DHX9: variants seen among roughly 807,000 people sequenced by gnomAD.
DHX9 encodes ATP-dependent RNA helicase A.
In DHX9, 27 loss-of-function variants were observed where a neutral mutation model predicts 148.7. That is an observed-to-expected ratio of 0.18 (90% CI 0.13 to 0.25). DHX9 has a LOEUF of 0.25. Among genes scored for constraint, DHX9 ranks in the 10% least tolerant of loss-of-function variants. DHX9 has a pLI of 1.00. For missense variants in DHX9, 796 were observed against 1,559.6 expected (o/e 0.51, Z 8.25); for synonymous variants, 529 against 516.6 (o/e 1.02, Z -0.33).
rs559168310 is a variant in DHX9, at chr1:182,852,421, T to C, written c.364+77T>C. 8 of 1,080,342 alleles carry C rather than the reference T, an allele frequency of 7.4e-6. No individual in the cohort carries two copies. The African/African-American group carries it at 1.3e-4, about 17-fold the overall frequency. 66.9% of individuals were successfully genotyped at this position (1,080,342 alleles called of 1,614,324 possible). A position where few individuals can be genotyped will look rare whatever the true frequency, so the allele number is the denominator to read the frequency against. On this transcript the variant is annotated intron_variant, in intron 4 of 27. Transcript: ENST00000367549. Reference sequence around the variant, plus strand: ...TGATCACCATCTCTGTTTCTCGTTTTGGGTAGAAAGAACTGCAGTAAACTC... The same window carrying C: ...TGATCACCATCTCTGTTTCTCGTTTCGGGTAGAAAGAACTGCAGTAAACTC...
chr1:182,879,479 CACTT>C lies in DHX9; in HGVS notation c.2512+72_2512+75del, dbSNP rs1376791136. The C allele has an allele frequency of 1.3e-5, 17 of 1,313,400 alleles. 1 individual carries two copies. Among genetic ancestry groups the C allele is most frequent in the Middle Eastern group, 2.0e-4 (1 of 4,910 alleles). 81.4% of individuals were successfully genotyped at this position (1,313,400 alleles called of 1,614,324 possible). A position where few individuals can be genotyped will look rare whatever the true frequency, so the allele number is the denominator to read the frequency against. ...CCATCTGTCTTGTTCTGGCAGATAA[CACTT>C]ACAAATGAATCAAGATGATGAAGAT... On this transcript the variant is annotated intron_variant, in intron 21 of 27. Transcript: ENST00000367549.
intron 12 of DHX9, among the ~76,000 whole-genome samples, chr1:182,864,563 A>G (rs922586492): frequency 2.0e-5 from 3 of 152,264 alleles, no homozygotes; most frequent in Non-Finnish European, 4.4e-5. Flanking sequence ...AGTCAAATCA[A>G]CTAGGGATGA....
In DHX9 at chr1:182,842,091, G is replaced by T. The variant is rs76765103; in HGVS notation, c.-22-454G>T. 1.1e-3 allele frequency among the ~76,000 whole-genome samples: 161 copies of T among 152,264 alleles called. 2 individuals carry two copies. The East Asian group carries it at 0.025, about 24-fold the overall frequency. On this transcript the variant is annotated intron_variant, in intron 1 of 27. Transcript: ENST00000367549. ...TTGGATTTGAATTTAGGCCTCCACG[G>T]TGGGTGACTTGGAAGTTACTTTTTT...
chr1:182,880,909 G>C (rs186860124), intron 22 of DHX9, among the ~76,000 whole-genome samples: 1 of 152,148 alleles, frequency 6.6e-6, no homozygotes, highest in Non-Finnish European at 1.5e-5. Flanking sequence ...AGGGTGGGAG[G>C]GTCCCTTGTT....
intron 12 of DHX9, among the ~76,000 whole-genome samples, chr1:182,862,098 C>T (rs1668373028): frequency 1.3e-5 from 2 of 152,084 alleles, no homozygotes; most frequent in Non-Finnish European, 2.9e-5. Context: ...TCTGAGATAG[C>T]ATTAGTTATT....
chr1:182,865,487 AATCCTT>A (rs1429656927), intron 12 of DHX9, among the ~76,000 whole-genome samples: 1 of 152,236 alleles, frequency 6.6e-6, no homozygotes, highest in Admixed American at 6.5e-5. Flanking sequence ...TAGGTGGAAA[AATCCTT>A]ATCCATTGCT....
At chr1:182,878,563 C>A (rs1557978278) in intron 20 of DHX9, among the ~76,000 whole-genome samples, 2 of 152,140 alleles carry the variant, frequency 1.3e-5, no homozygotes, top group Non-Finnish European at 2.9e-5. Context: ...ATGTAAAATA[C>A]TTTGAACAGT....
chr1:182,845,065 A>T (rs752409225), intron 3 of DHX9, among the ~76,000 whole-genome samples: 1 of 152,216 alleles, frequency 6.6e-6, no homozygotes, highest in Admixed American at 6.5e-5. Context: ...ATTTCCTTCC[A>T]TTCCTTTGAC....
chr1:182,840,362 C>T (rs1378971781), intron 1 of DHX9, among the ~76,000 whole-genome samples: 1 of 142,386 alleles, frequency 7.0e-6, no homozygotes, highest in Non-Finnish European at 1.5e-5. Flanking sequence ...TGCAGTGGCG[C>T]GATGGCGGCT....
At chr1:182,856,926 T>G (rs539255502) in intron 7 of DHX9, among the ~76,000 whole-genome samples, 1 of 151,924 alleles carries the variant, frequency 6.6e-6, no homozygotes, top group African/African-American at 2.4e-5. Context: ...CTCGGCTCAC[T>G]GCAAGCTCCG....
chr1:182,879,851 G>A (rs1649009527), intron 21 of DHX9, among the ~76,000 whole-genome samples: 1 of 151,580 alleles, frequency 6.6e-6, no homozygotes, highest in Non-Finnish European at 1.5e-5. Context: ...TCAGCCTCCC[G>A]AGTAGCTGAG....
intron 3 of DHX9, among the ~76,000 whole-genome samples, chr1:182,844,376 T>G (rs569365074): frequency 1.8e-4 from 27 of 152,336 alleles, no homozygotes; most frequent in African/African-American, 5.8e-4. Context: ...TAGGTTGTTT[T>G]GGGGGATTTT....
Position 182,840,299 on chromosome 1 carries a change from C to CTTTTT in DHX9, c.-23+860_-23+864dup, listed in dbSNP as rs572795237. 1.8e-3 allele frequency among the ~76,000 whole-genome samples: 195 copies of CTTTTT among 105,524 alleles called. 14 individuals carry two copies. The highest frequency in any genetic ancestry group is 7.9e-3 in the African/African-American group (179 of 22,596). The allele number at this position is 105,524 out of a possible 152,430, so 69.2% of individuals were successfully genotyped here. On this transcript the variant is annotated intron_variant, in intron 1 of 27. Coordinates refer to ENST00000367549, the MANE Select transcript of DHX9 (RefSeq NM_001357.5). ...GCTACGTTTTCTGGAATTCTTGCGCCTTTTTTTTTTTTTTTTTTTTTGCAA... is the reference window on the plus strand; with the variant it reads ...GCTACGTTTTCTGGAATTCTTGCGCCTTTTTTTTTTTTTTTTTTTTTTTTTTGCAA...
At chr1:182,880,629 C>T (rs1649042121) in intron 22 of DHX9, 21 bp downstream of exon 22, 1 of 1,479,840 alleles carries the variant, frequency 6.8e-7, no homozygotes, top group Non-Finnish European at 9.4e-7. Flanking sequence ...TGTTTTATTT[C>T]TCTTCGTTAA....
chr1:182,883,603 A>G lies in DHX9; in HGVS notation c.3228A>G (p.Gln1076=), dbSNP rs763749435. 2.7e-5 allele frequency: 44 copies of G among 1,613,792 alleles called. No homozygotes were observed. Among genetic ancestry groups the G allele is most frequent in the Non-Finnish European group, 2.5e-5 (30 of 1,179,898 alleles). ...QLLLFASKKV[Q]SDGQIVLVDD... is the part of the protein sequence containing the mutation. ...TTCTCTTTGCCTCCAAGAAAGTCCA[A>G]TCTGATGGGCAGATTGTGCTTGTAG... The change falls in exon 26 of 28, where the codon CAA becomes CAG. Residue 1076 remains glutamine, a synonymous_variant. Transcript: ENST00000367549.
At chr1:182,874,234 A>T (rs1310804283) in intron 15 of DHX9, among the ~76,000 whole-genome samples, 1 of 152,224 alleles carries the variant, frequency 6.6e-6, no homozygotes, top group Non-Finnish European at 1.5e-5. Context: ...GAGTAACTTT[A>T]CAGTGGAGAA....
rs901408786 is a variant in DHX9 at position 182,846,704 on chromosome 1, G to A, written c.252+3270G>A. Among the ~76,000 whole-genome samples the A allele has an allele frequency of 2.6e-5, 4 of 152,090 alleles. No individual in the cohort carries two copies. The East Asian group carries it at 7.7e-4, about 29-fold the overall frequency. On this transcript the variant is annotated intron_variant, in intron 3 of 27. Coordinates refer to ENST00000367549, the MANE Select transcript of DHX9 (RefSeq NM_001357.5). The stretch of plus-strand genomic sequence containing the variant: ...GTATTTTGTGTTGTGACCGGGCATG[G>A]GTTTTTTTGTATGTGTGTGTTCTAA...
intron 3 of DHX9, among the ~76,000 whole-genome samples, chr1:182,845,451 C>G (rs970429221): frequency 2.0e-5 from 3 of 151,614 alleles, no homozygotes; most frequent in Non-Finnish European, 2.9e-5. Flanking sequence ...AACAATTTTC[C>G]TCTTCTCTCA....
chr1:182,856,602 A>G, intron 7 of DHX9, 24 bp downstream of exon 7: 1 of 1,608,874 alleles, frequency 6.2e-7, no homozygotes, highest in South Asian at 1.1e-5. Context: ...TTTCCCCAAT[A>G]TTCCAAGTCT....
Sources: gnomAD v4.1 joint callset for allele counts (sites outside exome capture counted in the v4.1 genomes callset) on GRCh38, gnomAD v4.1.1 for gene constraint, MANE v1.5 for transcripts, NCBI Gene and HGNC (gene_info 2026-07-23, HGNC 2026-07-21) for gene names.